The following ST3GAL3 variants were observed in gnomAD, a reference collection of about 807,000 sequenced individuals.
ST3GAL3 encodes ST3 beta-galactoside alpha-2,3-sialyltransferase 3, also known as CMP-N-acetylneuraminate-beta-1,4-galactoside alpha-2,3-sialyltransferase.
A neutral mutation model predicts 50.1 loss-of-function variants in ST3GAL3; 21 were observed. That is an observed-to-expected ratio of 0.42 (90% confidence interval 0.30 to 0.60). The LOEUF (loss-of-function observed/expected upper bound fraction) is 0.60. Ranked by LOEUF, ST3GAL3 falls within the 20% of genes least tolerant of loss-of-function variation. The pLI, the probability that ST3GAL3 is intolerant of heterozygous loss-of-function variation, is 0.19. For synonymous variants in ST3GAL3, 183 were observed against 190.0 expected (o/e 0.96, Z 0.30); for missense variants, 353 against 489.4 (o/e 0.72, Z 2.63).
intron 4 of ST3GAL3, among the ~76,000 whole-genome samples, chr1:43,832,025 T>C (rs1210409518): frequency 6.6e-6 from 1 of 152,180 alleles, no homozygotes; most frequent in African/African-American, 2.4e-5. Flanking sequence ...TGTCTTTCAC[T>C]ACCACCCAGA....
chr1:43,754,830 G>C (rs1687456314), intron 2 of ST3GAL3, among the ~76,000 whole-genome samples: 1 of 151,886 alleles, frequency 6.6e-6, no homozygotes, highest in African/African-American at 2.4e-5. Context: ...TGTTCCTGTA[G>C]TACCAGCTAC....
At chr1:43,885,226 G>T (rs803678) in intron 5 of ST3GAL3, among the ~76,000 whole-genome samples, 83,690 of 152,028 alleles carry the variant, frequency 0.55, 27,327 homozygotes, top group Non-Finnish European at 0.73. Flanking sequence ...CCTGGCTCCT[G>T]AGGTTCCATC....
chr1:43,779,713 T>C (rs1034962677), intron 2 of ST3GAL3, among the ~76,000 whole-genome samples: 2 of 152,232 alleles, frequency 1.3e-5, no homozygotes, highest in African/African-American at 4.8e-5. Context: ...CAATATTCAG[T>C]CTATATACTA....
At chr1:43,923,611 C>T (rs930195285) in intron 11 of ST3GAL3, among the ~76,000 whole-genome samples, 1 of 152,050 alleles carries the variant, frequency 6.6e-6, no homozygotes. Flanking sequence ...GGCAGCTCTC[C>T]TGAGTCTCTC....
chr1:43,890,651 A>C (rs970309457), intron 5 of ST3GAL3, among the ~76,000 whole-genome samples: 1 of 152,176 alleles, frequency 6.6e-6, no homozygotes, highest in African/African-American at 2.4e-5. Flanking sequence ...AGGCAGGAGG[A>C]TCACTTAAGT....
chr1:43,796,106 C>G (rs1481339946), intron 3 of ST3GAL3, among the ~76,000 whole-genome samples: 1 of 152,154 alleles, frequency 6.6e-6, no homozygotes, highest in East Asian at 1.9e-4. Flanking sequence ...CAGCAGTAGG[C>G]CCTTCAAGCA....
chr1:43,716,651 C>A (rs1018954830), intron 1 of ST3GAL3: 1 of 151,978 alleles, frequency 6.6e-6, no homozygotes, highest in Non-Finnish European at 1.5e-5. Flanking sequence ...GAGTGAATGG[C>A]GGTACCACAC....
chr1:43,850,895 C>T, intron 5 of ST3GAL3: 1 of 1,257,578 alleles, frequency 8.0e-7, no homozygotes, highest in Admixed American at 1.7e-5. Context: ...CCAGGTTGTA[C>T]AGAATCTCTT....
chr1:43,809,358 A>G (rs1280353315), intron 3 of ST3GAL3, among the ~76,000 whole-genome samples: 2 of 152,226 alleles, frequency 1.3e-5, no homozygotes, highest in African/African-American at 4.8e-5. Context: ...ACACTGTAGA[A>G]GAAAAAAATA....
intron 9 of ST3GAL3, among the ~76,000 whole-genome samples, chr1:43,908,016 T>G (rs542307508): frequency 6.6e-6 from 1 of 152,262 alleles, no homozygotes; most frequent in South Asian, 2.1e-4. Flanking sequence ...GCCCTCCCTT[T>G]AAAGGAGCAG....
intron 7 of ST3GAL3, among the ~76,000 whole-genome samples, chr1:43,898,761 C>T (rs1378711216): frequency 2.0e-5 from 3 of 152,120 alleles, no homozygotes; most frequent in Admixed American, 6.5e-5. Context: ...CCTCCTGTCC[C>T]GTTCCCCTTT....
chr1:43,756,389 AT>A (rs1688122995), intron 2 of ST3GAL3, among the ~76,000 whole-genome samples: 1 of 152,118 alleles, frequency 6.6e-6, no homozygotes, highest in Non-Finnish European at 1.5e-5. Flanking sequence ...CTTGATTGTG[AT>A]TTTATGTATG....
At chr1:43,859,115 A>G (rs1482829807) in intron 5 of ST3GAL3, among the ~76,000 whole-genome samples, 1 of 152,146 alleles carries the variant, frequency 6.6e-6, no homozygotes, top group East Asian at 1.9e-4. Flanking sequence ...TGATGTGGCG[A>G]GTATTGGGCC....
At chr1:43,903,144 A>G (rs2078576054) in intron 9 of ST3GAL3, among the ~76,000 whole-genome samples, 1 of 152,186 alleles carries the variant, frequency 6.6e-6, no homozygotes, top group Admixed American at 6.5e-5. Flanking sequence ...CCTTCAGGAA[A>G]CTGGAGGTGT....
intron 3 of ST3GAL3, among the ~76,000 whole-genome samples, chr1:43,799,288 TAA>T (rs2059057763): frequency 6.6e-6 from 1 of 152,266 alleles, no homozygotes; most frequent in African/African-American, 2.4e-5. Context: ...GGGAAAAAAT[TAA>T]GTTATTTTTG....
intron 1 of ST3GAL3, among the ~76,000 whole-genome samples, chr1:43,718,185 CT>C (rs57506461): frequency 4.0e-4 from 33 of 83,374 alleles, no homozygotes; most frequent in East Asian, 8.4e-4. Flanking sequence ...ATCATTAAAT[CT>C]TTTTTTTTTT....
intron 9 of ST3GAL3, among the ~76,000 whole-genome samples, chr1:43,904,622 T>C (rs1375710624): frequency 6.6e-6 from 1 of 151,802 alleles, no homozygotes; most frequent in African/African-American, 2.4e-5. Flanking sequence ...CACTGTCTTC[T>C]GTAAGCTCTT....
rs2077358063 is a variant in ST3GAL3, at chr1:43,896,109, C to T, written c.397+1632C>T. On this transcript the variant is annotated intron_variant, in intron 6 of 11. Transcript: ENST00000347631. ...TAGAACATTGCTTAAAGGTTTGTTT[C>T]CCTACCCCATTCTCACTCAACTTCT... Among the ~76,000 whole-genome samples the T allele has an allele frequency of 3.3e-5, 5 of 152,090 alleles. No homozygotes were observed. In the South Asian group the frequency reaches 1.0e-3, roughly 31 times the overall value.
intron 3 of ST3GAL3, among the ~76,000 whole-genome samples, chr1:43,810,484 C>T (rs990559031): frequency 1.3e-5 from 2 of 152,156 alleles, no homozygotes; most frequent in African/African-American, 2.4e-5. Flanking sequence ...GTCCGTGGCT[C>T]ATTGTAGCTG....
Sources: allele counts gnomAD v4.1 joint callset (sites outside exome capture counted in the v4.1 genomes callset), GRCh38; gene constraint gnomAD v4.1.1; transcripts MANE v1.5; gene names NCBI Gene and HGNC (gene_info 2026-07-23, HGNC 2026-07-21).